SLIT2: variants seen among roughly 807,000 people sequenced by gnomAD.
The protein encoded by SLIT2 is slit homolog 2 protein.
Under a neutral mutation model 185.7 loss-of-function variants are expected in SLIT2, and 41 were observed. The ratio of observed to expected loss-of-function variants is 0.22; its 90% CI spans 0.17 to 0.29. The LOEUF (loss-of-function observed/expected upper bound fraction) is 0.29, where lower values mean the gene tolerates loss of function less well. Ranked by LOEUF, SLIT2 falls within the 10% of genes least tolerant of loss-of-function variation. The pLI, the probability that SLIT2 is intolerant of heterozygous loss-of-function variation, is 1.00. For missense variants in SLIT2, 1,571 were observed against 1,909.0 expected, an observed-to-expected ratio of 0.82 and a Z score of 3.30; for synonymous variants, 693 against 680.2, an observed-to-expected ratio of 1.02 and a Z score of -0.29.
chr4:20,613,152 G>A (rs953028762), intron 34 of SLIT2, among the ~76,000 whole-genome samples: 5 of 152,114 alleles, frequency 3.3e-5, no homozygotes, highest in South Asian at 2.1e-4. Flanking sequence ...CCATGACTGA[G>A]CATATAGTCA....
At chr4:20,448,564 A>T (rs1712089348) in intron 4 of SLIT2, among the ~76,000 whole-genome samples, 2 of 152,024 alleles carry the variant, frequency 1.3e-5, no homozygotes, top group Admixed American at 6.5e-5. Flanking sequence ...CAGGTGATCC[A>T]CCCACCTCAG....
At chr4:20,424,766 A>G (rs1728423496) in intron 4 of SLIT2, among the ~76,000 whole-genome samples, 2 of 152,124 alleles carry the variant, frequency 1.3e-5, no homozygotes, top group Admixed American at 6.5e-5. Flanking sequence ...CCCTGCTTTC[A>G]GAGATTTACC....
At chr4:20,385,496 C>T (rs1164586577) in intron 4 of SLIT2, among the ~76,000 whole-genome samples, 1 of 152,036 alleles carries the variant, frequency 6.6e-6, no homozygotes, top group Non-Finnish European at 1.5e-5. Flanking sequence ...GAGAGCTTGG[C>T]ACATGTTAAA....
intron 22 of SLIT2, among the ~76,000 whole-genome samples, chr4:20,547,018 AC>A (rs1283815020): frequency 6.6e-6 from 1 of 152,146 alleles, no homozygotes; most frequent in Admixed American, 6.6e-5. Flanking sequence ...AATTCTACAA[AC>A]CTAAGTAGCA....
chr4:20,518,553 A>ATGTGTGTGTG (rs1720473932), intron 11 of SLIT2, among the ~76,000 whole-genome samples: 1 of 24,586 alleles, frequency 4.1e-5, no homozygotes, highest in Non-Finnish European at 8.1e-5. Context: ...TGCCCAGCCT[A>ATGTGTGTGTG]TATGTATATA....
intron 3 of SLIT2, 59 bp downstream of exon 3, chr4:20,257,998 A>AT (rs139749288): frequency 0.26 from 217,285 of 841,092 alleles, 31,902 homozygotes; most frequent in Middle Eastern, 0.37. Context: ...AAAATACTTA[A>AT]ATTTCAAGCA....
At position 20,619,732 on chromosome 4, in the gene SLIT2, C is replaced by T. The variant is rs1014043977; in HGVS notation, c.*723C>T. ...TTAGTAATAATATGATTTTTTGTTT[C>T]TATGAGTTCTAAACAGCCCTATACA... is the stretch of plus-strand genomic sequence containing the variant. On this transcript the variant is annotated 3_prime_UTR_variant, in exon 37 of 37. Transcript: ENST00000504154. 56 of 151,930 alleles carry T rather than the reference C, an allele frequency of 3.7e-4. No homozygotes were observed. The highest frequency in any genetic ancestry group is 1.3e-3 in the African/African-American group (54 of 41,464). The allele number at this position is 151,930 out of a possible 1,614,324, so 9.4% of individuals were successfully genotyped here. A position where few individuals can be genotyped will look rare whatever the true frequency, so the allele number is the denominator to read the frequency against.
intron 19 of SLIT2, 31 bp downstream of exon 19, chr4:20,539,615 C>T (rs762144023): frequency 4.9e-6 from 7 of 1,435,850 alleles, no homozygotes; most frequent in Non-Finnish European, 5.7e-6. Flanking sequence ...TTATGTATTA[C>T]TTGAGCCATT....
At chr4:20,281,796 G>A (rs1272072436) in intron 4 of SLIT2, among the ~76,000 whole-genome samples, 1 of 152,146 alleles carries the variant, frequency 6.6e-6, no homozygotes, top group African/African-American at 2.4e-5. Flanking sequence ...GGAAATTACT[G>A]CAGCAAATAA....
intron 4 of SLIT2, among the ~76,000 whole-genome samples, chr4:20,402,799 G>GA (rs1322906066): frequency 1.3e-5 from 2 of 151,450 alleles, no homozygotes; most frequent in Admixed American, 6.6e-5. Context: ...TTTTAATAAA[G>GA]AATTTTACTT....
At chr4:20,306,166 C>T (rs1717528195) in intron 4 of SLIT2, among the ~76,000 whole-genome samples, 1 of 151,988 alleles carries the variant, frequency 6.6e-6, no homozygotes, top group Non-Finnish European at 1.5e-5. Context: ...CTGAAAGCAG[C>T]AGGGGGCAGT....
chr4:20,418,982 C>G (rs904914759), intron 4 of SLIT2, among the ~76,000 whole-genome samples: 2 of 152,100 alleles, frequency 1.3e-5, no homozygotes, highest in Non-Finnish European at 2.9e-5. Flanking sequence ...TATCAGAGTA[C>G]GATACTTTCT....
chr4:20,427,907 A>G (rs1306648145), intron 4 of SLIT2, among the ~76,000 whole-genome samples: 1 of 152,112 alleles, frequency 6.6e-6, no homozygotes, highest in Non-Finnish European at 1.5e-5. Context: ...GACCTAAATT[A>G]CAAACCTGAA....
At chr4:20,354,031 G>A (rs1241290867) in intron 4 of SLIT2, among the ~76,000 whole-genome samples, 1 of 151,866 alleles carries the variant, frequency 6.6e-6, no homozygotes, top group African/African-American at 2.4e-5. Context: ...AAAACCAGAG[G>A]AAACTGCAAA....
intron 29 of SLIT2, among the ~76,000 whole-genome samples, chr4:20,578,461 A>G (rs551890883): frequency 1.3e-5 from 2 of 152,316 alleles, no homozygotes; most frequent in East Asian, 1.9e-4. Context: ...TCAGATTGCC[A>G]TCCTAAATTT....
chr4:20,601,602 C>T (rs1728416428), intron 33 of SLIT2, among the ~76,000 whole-genome samples: 1 of 152,102 alleles, frequency 6.6e-6, no homozygotes. Context: ...AGCTCTGATA[C>T]GGCTAATTTT....
chr4:20,568,992 C>A lies in SLIT2; in HGVS notation c.3076C>A (p.Pro1026Thr). 1 of 1,612,156 alleles carries A rather than the reference C, an allele frequency of 6.2e-7. No homozygotes were observed. Among genetic ancestry groups the A allele is most frequent in the Non-Finnish European group, 8.5e-7 (1 of 1,178,676 alleles). Reference sequence around the variant, plus strand: ...TAATAACTACACATGCCTTTGCCCACCTGAGTATACAGGTACAAATAATAG... The same window carrying A: ...TAATAACTACACATGCCTTTGCCCAACTGAGTATACAGGTACAAATAATAG... The part of the protein sequence containing the change: ...GINNYTCLCP[P>T]EYTGELCEEK... The change falls in exon 29 of 37, where the codon CCT becomes ACT. Residue 1026 changes from proline (P) to threonine (T), a missense_variant. Around this residue, in one of 3 missense-constraint regions of SLIT2, gnomAD observed 1,202 missense variants for 1,416.4 expected, o/e 0.85. Transcript: ENST00000504154.
rs965455084 is a variant in SLIT2 at position 20,350,237 on chromosome 4, T to G, written c.395+81356T>G. Among the ~76,000 whole-genome samples the G allele has an allele frequency of 5.9e-5, 9 of 152,302 alleles. No homozygotes were observed. The South Asian group carries it at 1.5e-3, about 25-fold the overall frequency. ...ACTTTTGATTCTGAAGTGATTTTTT[T>G]TATTAAATAAGTCGATATAGTATTT... On this transcript the variant is annotated intron_variant, in intron 4 of 36. Coordinates refer to ENST00000504154, the MANE Select transcript of SLIT2 (RefSeq NM_004787.4).
intron 4 of SLIT2, among the ~76,000 whole-genome samples, chr4:20,297,606 C>T (rs1716611962): frequency 6.6e-6 from 1 of 152,046 alleles, no homozygotes; most frequent in Admixed American, 6.6e-5. Flanking sequence ...AATAGGCTAA[C>T]TGAAATAGGG....
Sources: gnomAD v4.1 joint callset for allele counts (sites outside exome capture counted in the v4.1 genomes callset) on GRCh38, gnomAD v4.1.1 for gene constraint, gnomAD v4.1.1 regional missense constraint, MANE v1.5 for transcripts, NCBI Gene and HGNC (gene_info 2026-07-23, HGNC 2026-07-21) for gene names.